RNLS: variants seen among roughly 807,000 people sequenced by gnomAD.
The protein encoded by RNLS is renalase.
In RNLS, 39 loss-of-function variants were observed where a neutral mutation model predicts 39.8. The observed-to-expected ratio is 0.98, with a 90% confidence interval of 0.76 to 1.28. RNLS has a LOEUF of 1.28. Ranked by LOEUF, RNLS falls within the 50% of genes most tolerant of loss-of-function variation. RNLS has a pLI of 0.00. For synonymous variants in RNLS, 147 were observed against 150.7 expected (o/e 0.98, Z 0.18); for missense variants, 410 against 413.3 (o/e 0.99, Z 0.07).
chr10:88,516,118 C>A (rs1589937479), intron 4 of RNLS, among the ~76,000 whole-genome samples: 1 of 152,140 alleles, frequency 6.6e-6, no homozygotes, highest in East Asian at 1.9e-4. Flanking sequence ...TGATCTTGGA[C>A]TTCTAGCTCC....
At chr10:88,307,005 G>A (rs1430506105) in intron 6 of RNLS, among the ~76,000 whole-genome samples, 2 of 152,124 alleles carry the variant, frequency 1.3e-5, no homozygotes, top group East Asian at 3.8e-4. Flanking sequence ...TGGGATACAA[G>A]GTTAGTTCAA....
chr10:88,211,978 T>C, the RNLS span, among the ~76,000 whole-genome samples: 1 of 152,158 alleles, frequency 6.6e-6, no homozygotes, highest in African/African-American at 2.4e-5. Flanking sequence ...TGTGGACAGA[T>C]TCAAGATCTT....
intron 4 of RNLS, among the ~76,000 whole-genome samples, chr10:88,504,848 T>TGG (rs1845701802): frequency 6.7e-6 from 1 of 149,438 alleles, no homozygotes; most frequent in Non-Finnish European, 1.5e-5. Flanking sequence ...AGACAGAGTG[T>TGG]GTGTGTGTGT....
the RNLS span, among the ~76,000 whole-genome samples, chr10:88,260,015 C>T: frequency 6.6e-6 from 1 of 152,112 alleles, no homozygotes; most frequent in East Asian, 1.9e-4. Context: ...GCTGGGATTA[C>T]AAGCATGAGC....
At chr10:88,490,580 T>C (rs1423332478) in intron 4 of RNLS, among the ~76,000 whole-genome samples, 1 of 152,218 alleles carries the variant, frequency 6.6e-6, no homozygotes, top group East Asian at 1.9e-4. Flanking sequence ...TTCCTAAAAA[T>C]AACTTTATGA....
At chr10:88,547,854 T>C (rs1261737309) in intron 4 of RNLS, among the ~76,000 whole-genome samples, 1 of 152,156 alleles carries the variant, frequency 6.6e-6, no homozygotes, top group East Asian at 1.9e-4. Context: ...CTGCAATGCA[T>C]ACATAGATCA....
At chr10:88,493,481 T>A (rs1057175748) in intron 4 of RNLS, among the ~76,000 whole-genome samples, 29 of 151,130 alleles carry the variant, frequency 1.9e-4, no homozygotes, top group Non-Finnish European at 4.0e-4. Flanking sequence ...TATTGTGATT[T>A]AAAAAAAAAC....
intron 6 of RNLS, among the ~76,000 whole-genome samples, chr10:88,303,300 T>C (rs1844669321): frequency 6.6e-6 from 1 of 152,202 alleles, no homozygotes; most frequent in Admixed American, 6.5e-5. Context: ...GCCATGCCCC[T>C]AGGCTTGACT....
intron 4 of RNLS, among the ~76,000 whole-genome samples, chr10:88,447,479 C>T (rs992178468): frequency 6.6e-6 from 1 of 152,112 alleles, no homozygotes; most frequent in Non-Finnish European, 1.5e-5. Context: ...TCAAGGAGAA[C>T]TACAAACCAC....
intron 4 of RNLS, among the ~76,000 whole-genome samples, chr10:88,544,722 G>C (rs934236098): frequency 6.6e-6 from 1 of 152,122 alleles, no homozygotes; most frequent in Non-Finnish European, 1.5e-5. Context: ...ATGGGTACCT[G>C]AATGGTATAT....
intron 4 of RNLS, among the ~76,000 whole-genome samples, chr10:88,431,893 A>C (rs1444800829): frequency 1.3e-5 from 2 of 151,786 alleles, no homozygotes; most frequent in Admixed American, 1.3e-4. Flanking sequence ...GATATTGTCT[A>C]TAATGGTAAA....
chr10:88,457,025 T>A (rs1476501275), intron 4 of RNLS, among the ~76,000 whole-genome samples: 3 of 152,156 alleles, frequency 2.0e-5, no homozygotes, highest in African/African-American at 7.2e-5. Context: ...GCAGCCTCCC[T>A]CCTCCACCCA....
intron 4 of RNLS, among the ~76,000 whole-genome samples, chr10:88,520,208 T>C (rs1259571967): frequency 6.6e-6 from 1 of 152,034 alleles, no homozygotes; most frequent in Non-Finnish European, 1.5e-5. Context: ...AGTTCTTTCC[T>C]GCCTATCTCC....
chr10:88,296,905 A>G (rs1421164242), intron 6 of RNLS, among the ~76,000 whole-genome samples: 1 of 152,168 alleles, frequency 6.6e-6, no homozygotes, highest in Admixed American at 6.6e-5. Flanking sequence ...AGTCATAAAC[A>G]CAGACTGAGT....
intron 4 of RNLS, among the ~76,000 whole-genome samples, chr10:88,400,305 T>C (rs1298242271): frequency 1.3e-5 from 2 of 151,996 alleles, no homozygotes; most frequent in Non-Finnish European, 2.9e-5. Context: ...CATACAGGAA[T>C]CCCTATTTTC....
chr10:88,535,482 G>A lies in RNLS; in HGVS notation c.526+37421C>T, dbSNP rs1847698007. Among the ~76,000 whole-genome samples the A allele has an allele frequency of 3.3e-5, 5 of 152,156 alleles. No individual in the cohort carries two copies. The South Asian group carries it at 1.0e-3, about 32-fold the overall frequency. ...ACATCAGGAAGAATAGTTAATGGAT[G>A]CTGGGCTTAATACCTAGGAGATGGG... On this transcript the variant is annotated intron_variant, in intron 4 of 6. Coordinates refer to ENST00000331772, the MANE Select transcript of RNLS (RefSeq NM_001031709.3).
chr10:88,361,834 G>T (rs1849666630), intron 5 of RNLS, among the ~76,000 whole-genome samples: 2 of 152,132 alleles, frequency 1.3e-5, no homozygotes, highest in African/African-American at 4.8e-5. Flanking sequence ...ATCCTTAACG[G>T]TTATTCCACA....
At chr10:88,448,834 G>A (rs1842195965) in intron 4 of RNLS, among the ~76,000 whole-genome samples, 1 of 152,174 alleles carries the variant, frequency 6.6e-6, no homozygotes, top group Admixed American at 6.5e-5. Flanking sequence ...AAAATGATGA[G>A]TTCATGTCCT....
At chr10:88,197,237 T>C in the RNLS span, among the ~76,000 whole-genome samples, 1 of 152,208 alleles carries the variant, frequency 6.6e-6, no homozygotes, top group Admixed American at 6.5e-5. Context: ...GTTCAGCACA[T>C]AGTAAGTGTT....
Sources: allele counts gnomAD v4.1 joint callset (sites outside exome capture counted in the v4.1 genomes callset), GRCh38; gene constraint gnomAD v4.1.1; transcripts MANE v1.5; gene names NCBI Gene and HGNC (gene_info 2026-07-23, HGNC 2026-07-21).